MACROD2: variants seen among roughly 807,000 people sequenced by gnomAD.
The protein encoded by MACROD2 is ADP-ribose glycohydrolase MACROD2.
MACROD2 carries 36 observed loss-of-function variants against 70.4 expected under a neutral mutation model. The observed-to-expected ratio is 0.51, with a 90% confidence interval of 0.39 to 0.68. MACROD2 has a LOEUF of 0.68. MACROD2 is among the 30% of genes least tolerant of loss of function. MACROD2 has a pLI of 0.00. For synonymous variants in MACROD2, 172 were observed against 178.8 expected (o/e 0.96, Z 0.30); for missense variants, 496 against 538.4 (o/e 0.92, Z 0.78).
At position 15,233,969 on chromosome 20, in the gene MACROD2, T is replaced by TATATATATATATA. The variant is rs1568657296; in HGVS notation, c.540+3908_540+3909insATATATATATATA. Among the ~76,000 whole-genome samples, 48 of 56,088 alleles carry TATATATATATATA rather than the reference T, an allele frequency of 8.6e-4. 3 individuals are homozygous for TATATATATATATA. Among genetic ancestry groups the TATATATATATATA allele is most frequent in the Non-Finnish European group, 1.3e-3 (39 of 28,964 alleles). The allele number at this position is 56,088 out of a possible 152,430, so 36.8% of individuals were successfully genotyped here. On this transcript the variant is annotated intron_variant, in intron 6 of 17. Coordinates refer to ENST00000684519, the MANE Select transcript of MACROD2 (RefSeq NM_001351661.2). ...ACCCTTGGATCCAAAAAATTTATTT[T>TATATATATATATA]TATATATATTTATTTATATATATAT...
At chr20:15,685,973 C>T (rs1347078095) in intron 8 of MACROD2, among the ~76,000 whole-genome samples, 2 of 152,120 alleles carry the variant, frequency 1.3e-5, no homozygotes, top group Non-Finnish European at 2.9e-5. Flanking sequence ...ATCCATTGCA[C>T]AGTGCCTGGC....
At chr20:14,083,083 G>A (rs1164682924) in intron 2 of MACROD2, among the ~76,000 whole-genome samples, 3 of 149,092 alleles carry the variant, frequency 2.0e-5, no homozygotes, top group Non-Finnish European at 4.4e-5. Context: ...GTCCATGAAT[G>A]CTGAATATGG....
intron 5 of MACROD2, among the ~76,000 whole-genome samples, chr20:15,051,145 G>C (rs995767343): frequency 6.6e-6 from 1 of 152,090 alleles, no homozygotes; most frequent in African/African-American, 2.4e-5. Context: ...GTAAGTATTA[G>C]ATTTAATCTG....
intron 8 of MACROD2, among the ~76,000 whole-genome samples, chr20:15,618,647 C>T (rs765405092): frequency 3.3e-5 from 5 of 151,988 alleles, no homozygotes; most frequent in Non-Finnish European, 5.9e-5. Flanking sequence ...TGTGCTGGGA[C>T]ACTGATGGGC....
intron 3 of MACROD2, among the ~76,000 whole-genome samples, chr20:14,185,810 A>T (rs772530340): frequency 1.3e-5 from 2 of 152,202 alleles, no homozygotes; most frequent in Non-Finnish European, 2.9e-5. Flanking sequence ...CCTGCCACAC[A>T]GGGCTTTTAT....
At chr20:14,735,138 C>T (rs183124576) in intron 5 of MACROD2, among the ~76,000 whole-genome samples, 49 of 152,084 alleles carry the variant, frequency 3.2e-4, no homozygotes, top group African/African-American at 9.6e-4. Context: ...ATAAATTAGA[C>T]GTTATTAAAA....
chr20:15,490,825 G>A (rs992861940), intron 7 of MACROD2, among the ~76,000 whole-genome samples: 1 of 152,176 alleles, frequency 6.6e-6, no homozygotes, highest in African/African-American at 2.4e-5. Context: ...GAGCTAATGG[G>A]AGTGATAGAA....
chr20:14,877,193 G>T (rs2073560554), intron 5 of MACROD2, among the ~76,000 whole-genome samples: 1 of 151,880 alleles, frequency 6.6e-6, no homozygotes, highest in Non-Finnish European at 1.5e-5. Flanking sequence ...TATTTTCCTA[G>T]GTATTTTATT....
Position 16,051,527 on chromosome 20 carries a change from C to T in MACROD2, c.*1651C>T, listed in dbSNP as rs1057332854. ...AAAATCAAGACATCAGCAAGAATGA[C>T]ATTTACGTGACCTCATAATGTGGGA... On this transcript the variant is annotated 3_prime_UTR_variant, in exon 18 of 18. Transcript: ENST00000684519. The T allele has an allele frequency of 1.3e-5, 2 of 152,162 alleles. No individual in the cohort carries two copies. The highest frequency in any genetic ancestry group is 2.9e-5 in the Non-Finnish European group (2 of 68,038). The allele number at this position is 152,162 out of a possible 1,614,324, so 9.4% of individuals were successfully genotyped here.
At chr20:14,929,577 A>T (rs2074273308) in intron 5 of MACROD2, 1 of 152,094 alleles carries the variant, frequency 6.6e-6, no homozygotes, top group Admixed American at 6.5e-5. Flanking sequence ...GTGATTGATG[A>T]CATCATTGGC....
chr20:14,768,352 C>A (rs2072119280), intron 5 of MACROD2, among the ~76,000 whole-genome samples: 1 of 152,070 alleles, frequency 6.6e-6, no homozygotes, highest in Admixed American at 6.6e-5. Flanking sequence ...TCTAGGGTTG[C>A]TGCAGGAACC....
intron 15 of MACROD2, among the ~76,000 whole-genome samples, chr20:16,030,370 C>T (rs1351095396): frequency 6.6e-6 from 1 of 152,110 alleles, no homozygotes; most frequent in Non-Finnish European, 1.5e-5. Context: ...GCTGGAGGAC[C>T]AAGGAGCCAC....
chr20:14,098,685 A>G (rs1490475282), intron 3 of MACROD2, among the ~76,000 whole-genome samples: 3 of 152,208 alleles, frequency 2.0e-5, no homozygotes, highest in South Asian at 2.1e-4. Flanking sequence ...GAAATGAAAT[A>G]AGGCATATTT....
chr20:14,230,654 T>TAAAA (rs1555940650), intron 3 of MACROD2, among the ~76,000 whole-genome samples: 1 of 74,240 alleles, frequency 1.3e-5, no homozygotes, highest in African/African-American at 6.8e-5. Flanking sequence ...TATATATATA[T>TAAAA]AACACAGGCT....
chr20:14,595,649 G>A (rs1982078139), intron 4 of MACROD2, among the ~76,000 whole-genome samples: 1 of 152,082 alleles, frequency 6.6e-6, no homozygotes, highest in African/African-American at 2.4e-5. Flanking sequence ...ATGTCGAGTC[G>A]AATTTTCTCT....
intron 8 of MACROD2, among the ~76,000 whole-genome samples, chr20:15,509,795 G>C (rs2047475077): frequency 6.6e-6 from 1 of 152,192 alleles, no homozygotes; most frequent in Non-Finnish European, 1.5e-5. Context: ...AAAATAGGGA[G>C]GGTGGGCATG....
chr20:14,436,945 A>G (rs1351174504), intron 3 of MACROD2, among the ~76,000 whole-genome samples: 5 of 152,172 alleles, frequency 3.3e-5, no homozygotes, highest in Non-Finnish European at 7.4e-5. Context: ...TTTTAGCATT[A>G]TTGCTTTAAA....
intron 3 of MACROD2, among the ~76,000 whole-genome samples, chr20:14,398,935 C>T (rs6079420): frequency 0.99 from 150,347 of 152,138 alleles, 74,308 homozygotes; most frequent in Middle Eastern, 1. Context: ...CATACCATTC[C>T]TTTAGATTTC....
At chr20:15,492,330 C>T (rs2047241937) in intron 7 of MACROD2, among the ~76,000 whole-genome samples, 1 of 141,018 alleles carries the variant, frequency 7.1e-6, no homozygotes, top group African/African-American at 2.6e-5. Context: ...ATGTATTGCC[C>T]AGTACCTGCC....
Sources: gnomAD v4.1 joint callset for allele counts (sites outside exome capture counted in the v4.1 genomes callset) on GRCh38, gnomAD v4.1.1 for gene constraint, MANE v1.5 for transcripts, NCBI Gene and HGNC (gene_info 2026-07-23, HGNC 2026-07-21) for gene names.